The following THADA variants were observed in gnomAD, a reference collection of about 807,000 sequenced individuals.
The protein encoded by THADA is tRNA (32-2'-O)-methyltransferase regulator THADA.
A neutral mutation model predicts 219.8 loss-of-function variants in THADA; 213 were observed. The observed-to-expected ratio is 0.97, with a 90% CI of 0.87 to 1.09. THADA has a LOEUF of 1.09. THADA is among the 50% of genes least tolerant of loss of function. The pLI is 0.00. For synonymous variants in THADA, 1,018 were observed against 828.9 expected (o/e 1.23, Z -3.92); for missense variants, 2,956 against 2,311.3 (o/e 1.28, Z -5.72).
In THADA at chr2:43,363,028, C is replaced by T. The variant is rs567689239; in HGVS notation, c.4228-18791G>A. 2.0e-5 allele frequency among the ~76,000 whole-genome samples: 3 copies of T among 152,268 alleles called. No individual in the cohort carries two copies. The East Asian group carries it at 5.8e-4, about 29-fold the overall frequency. Reference sequence around the variant, plus strand: ...TGGAAAGTCTTCAGAGGCAATAACACGCATGGAGCAGTCACCGTATATAAT... The same window carrying T: ...TGGAAAGTCTTCAGAGGCAATAACATGCATGGAGCAGTCACCGTATATAAT... On this transcript the variant is annotated intron_variant, in intron 29 of 37. Coordinates refer to ENST00000405975, the MANE Select transcript of THADA (RefSeq NM_022065.5).
At chr2:43,236,100 C>A (rs186461545) in intron 36 of THADA, among the ~76,000 whole-genome samples, 2 of 152,210 alleles carry the variant, frequency 1.3e-5, no homozygotes, top group Non-Finnish European at 2.9e-5. Flanking sequence ...TGAGCCACCA[C>A]GCCTGGCCCA....
rs146100830 is a variant in THADA, at chr2:43,445,214, C to T, written c.3837-14912G>A. Reference sequence around the variant, plus strand: ...CCCCATCCCCCGCAAAGGAAACAAACGTACAAAGAAGACAAAGCATGCACA... The same window carrying T: ...CCCCATCCCCCGCAAAGGAAACAAATGTACAAAGAAGACAAAGCATGCACA... On this transcript the variant is annotated intron_variant, in intron 26 of 37. Coordinates refer to ENST00000405975, the MANE Select transcript of THADA (RefSeq NM_022065.5). 4.6e-3 allele frequency among the ~76,000 whole-genome samples: 702 copies of T among 152,198 alleles called. 2 individuals carry two copies. The highest frequency in any genetic ancestry group is 0.014 in the Middle Eastern group (4 of 294).
At chr2:43,501,334 AAAAAAG>A (rs1346261974) in intron 24 of THADA, among the ~76,000 whole-genome samples, 9 of 137,094 alleles carry the variant, frequency 6.6e-5, no homozygotes, top group African/African-American at 9.4e-5. Flanking sequence ...AAAAAAAAAA[AAAAAAG>A]AGAGACTTTT....
chr2:43,544,195 C>T (rs1350521665), intron 20 of THADA, among the ~76,000 whole-genome samples: 1 of 151,994 alleles, frequency 6.6e-6, no homozygotes, highest in East Asian at 1.9e-4. Context: ...ATAAGAGTGG[C>T]GTTATTTCTG....
At chr2:43,455,846 A>C (rs1682929510) in intron 26 of THADA, among the ~76,000 whole-genome samples, 1 of 152,254 alleles carries the variant, frequency 6.6e-6, no homozygotes, top group South Asian at 2.1e-4. Flanking sequence ...CACAATAGTT[A>C]CTAAGGAGGC....
chr2:43,329,819 C>A (rs1360947336), intron 30 of THADA, among the ~76,000 whole-genome samples: 1 of 152,200 alleles, frequency 6.6e-6, no homozygotes, highest in Non-Finnish European at 1.5e-5. Flanking sequence ...AAGCAAGGCT[C>A]CAAGTGCAGC....
intron 25 of THADA, among the ~76,000 whole-genome samples, chr2:43,493,128 T>C (rs1437482908): frequency 6.6e-6 from 1 of 152,166 alleles, no homozygotes; most frequent in African/African-American, 2.4e-5. Flanking sequence ...CAGGATCTTT[T>C]TCCTACCCTC....
At chr2:43,540,209 G>A (rs189228924) in intron 21 of THADA, among the ~76,000 whole-genome samples, 190 of 152,310 alleles carry the variant, frequency 1.2e-3, no homozygotes, top group Non-Finnish European at 7.2e-4. Flanking sequence ...GGACACTGAC[G>A]CCTATTTGAT....
intron 20 of THADA, among the ~76,000 whole-genome samples, chr2:43,547,341 C>A (rs948362283): frequency 6.6e-6 from 1 of 152,148 alleles, no homozygotes; most frequent in African/African-American, 2.4e-5. Context: ...TGACAATTAT[C>A]TGTCTTGGAG....
rs1010913545 is a variant in THADA, at chr2:43,473,901, G to A, written c.3836+11333C>T. 9.2e-5 allele frequency among the ~76,000 whole-genome samples: 14 copies of A among 152,094 alleles called. 1 individual carries two copies. The highest frequency in any genetic ancestry group is 8.3e-4 in the South Asian group (4 of 4,820). On this transcript the variant is annotated intron_variant, in intron 26 of 37. Coordinates refer to ENST00000405975, the MANE Select transcript of THADA (RefSeq NM_022065.5). ...AGGGATTACGGGTGTGAGCCACCGC[G>A]CCCGGCCCATGCTTGACTTTTATAC...
intron 20 of THADA, among the ~76,000 whole-genome samples, chr2:43,548,849 G>A (rs989453645): frequency 7.2e-5 from 11 of 152,176 alleles, no homozygotes; most frequent in African/African-American, 1.4e-4. Context: ...GCCCTGCTTC[G>A]GCTCGCGCAT....
intron 29 of THADA, among the ~76,000 whole-genome samples, chr2:43,385,548 C>T (rs979797810): frequency 4.8e-5 from 7 of 144,736 alleles, no homozygotes; most frequent in Admixed American, 2.2e-4. Flanking sequence ...CGGAGCTTGC[C>T]GTGAGCGGAG....
intron 29 of THADA, among the ~76,000 whole-genome samples, chr2:43,385,699 C>G (rs1205381584): frequency 6.7e-6 from 1 of 149,562 alleles, no homozygotes; most frequent in Non-Finnish European, 1.5e-5. Flanking sequence ...ACTCATCTGT[C>G]TAAAGATTTT....
intron 4 of THADA, 25 bp downstream of exon 4, chr2:43,590,799 C>G (rs1041063643): frequency 1.9e-6 from 3 of 1,604,908 alleles, no homozygotes; most frequent in Admixed American, 1.7e-5. Context: ...TTATAACACC[C>G]AACTTCCCTT....
chr2:43,502,676 G>C (rs1689158818), intron 24 of THADA, among the ~76,000 whole-genome samples: 1 of 150,232 alleles, frequency 6.7e-6, no homozygotes, highest in Admixed American at 6.6e-5. Flanking sequence ...TCTGAAATAA[G>C]ATCCAAATGT....
intron 36 of THADA, among the ~76,000 whole-genome samples, chr2:43,275,703 G>A (rs1235532638): frequency 6.6e-6 from 1 of 152,200 alleles, no homozygotes; most frequent in Non-Finnish European, 1.5e-5. Flanking sequence ...GAAAGGCTAT[G>A]GAAGAACCCC....
intron 27 of THADA, 141 bp from the exon 28 acceptor site, chr2:43,428,372 C>T (rs529971543): frequency 1.3e-4 from 97 of 749,434 alleles, no homozygotes; most frequent in Non-Finnish European, 1.8e-4. Flanking sequence ...CTTTGGGAGG[C>T]CGAGGCGGAT....
intron 1 of THADA, among the ~76,000 whole-genome samples, chr2:43,594,169 A>G (rs1559044027): frequency 1.3e-5 from 2 of 152,174 alleles, no homozygotes; most frequent in East Asian, 3.8e-4. Flanking sequence ...ACCTCCAAAG[A>G]GCCCATTCTG....
At chr2:43,337,322 T>G (rs1273466265) in intron 30 of THADA, among the ~76,000 whole-genome samples, 2 of 152,242 alleles carry the variant, frequency 1.3e-5, no homozygotes, top group African/African-American at 4.8e-5. Flanking sequence ...TGTTAACTCA[T>G]GCCAAGCTGA....
Sources: allele counts gnomAD v4.1 joint callset (sites outside exome capture counted in the v4.1 genomes callset), GRCh38; gene constraint gnomAD v4.1.1; transcripts MANE v1.5; gene names NCBI Gene and HGNC (gene_info 2026-07-23, HGNC 2026-07-21).